DNAH9: variants seen among roughly 807,000 people sequenced by gnomAD.
The protein encoded by DNAH9 is DNAH9 variant protein.
A neutral mutation model predicts 471.6 loss-of-function variants in DNAH9; 345 were observed. That is an observed-to-expected ratio of 0.73 (90% confidence interval 0.67 to 0.80). The LOEUF is 0.80. DNAH9 is among the 30% of genes least tolerant of loss of function. The probability of loss-of-function intolerance (pLI) is 0.00; values close to 1 mark genes in which losing one functional copy is unlikely to be tolerated. For synonymous variants in DNAH9, 2,093 were observed against 2,123.6 expected (o/e 0.99, Z 0.40); for missense variants, 5,407 against 5,609.2 (o/e 0.96, Z 1.15).
rs563500755 is a variant in DNAH9, at chr17:11,680,965, C to T, written c.3743+76C>T. 63 of 1,334,912 alleles carry T rather than the reference C, an allele frequency of 4.7e-5. No individual in the cohort carries two copies. In the South Asian group the frequency reaches 5.8e-4, roughly 12 times the overall value. 82.7% of individuals were successfully genotyped at this position (1,334,912 alleles called of 1,614,324 possible). ...AGTCATGGATAATCTTTTTGTGGGG[C>T]GTGTGTATTCTTCCAGCAGCTGCAG... On this transcript the variant is annotated intron_variant, in intron 19 of 68. Transcript: ENST00000262442.
rs1967395751 is a variant in DNAH9 at position 11,756,553 on chromosome 17, C to T, written c.6739-15C>T. ...CCTCCTTCCTCACTGGCATGCCCTTCCCTGTTGTCTCCAGGTGCTGACATT... is the reference window on the plus strand; with the variant it reads ...CCTCCTTCCTCACTGGCATGCCCTTTCCTGTTGTCTCCAGGTGCTGACATT... On this transcript the variant is annotated splice_polypyrimidine_tract_variant and intron_variant, in intron 33 of 68. Transcript: ENST00000262442. 2 of 1,514,766 alleles carry T rather than the reference C, an allele frequency of 1.3e-6. No homozygotes were observed. Among genetic ancestry groups the T allele is most frequent in the Middle Eastern group, 1.7e-4 (1 of 5,864 alleles). The allele number at this position is 1,514,766 out of a possible 1,614,324, so 93.8% of individuals were successfully genotyped here.
At chr17:11,911,726 T>C (rs555071757) in intron 61 of DNAH9, among the ~76,000 whole-genome samples, 3 of 152,344 alleles carry the variant, frequency 2.0e-5, no homozygotes, top group African/African-American at 7.2e-5. Flanking sequence ...ATGGATTGTC[T>C]TGCCATTTAT....
Position 11,902,874 on chromosome 17 carries a change from G to A in DNAH9, c.11562G>A (p.Leu3854=), listed in dbSNP as rs1346462528. 6.2e-7 allele frequency: 1 copy of A among 1,613,898 alleles called. No individual in the cohort carries two copies. The change falls in exon 60 of 69, where the codon CTG becomes CTA. Residue 3854 remains leucine (L), a synonymous_variant. Coordinates refer to ENST00000262442, the MANE Select transcript of DNAH9 (RefSeq NM_001372.4). The stretch of plus-strand genomic sequence containing the variant: ...CAGCCCTGCAGCGCCTCTGCATGCT[G>A]AGAGCCATGCGGCCCGACCGGATGA... The part of the protein sequence containing the change: ...NKTALQRLCM[L]RAMRPDRMTY...
At chr17:11,823,147 C>A in intron 48 of DNAH9, 113 bp downstream of exon 48, 1 of 863,624 alleles carries the variant, frequency 1.2e-6, no homozygotes, top group Non-Finnish European at 1.7e-6. Context: ...GTACGGTTTT[C>A]CAGAGACTCC....
intron 50 of DNAH9, among the ~76,000 whole-genome samples, chr17:11,866,199 T>C (rs977762767): frequency 6.6e-6 from 1 of 151,630 alleles, no homozygotes; most frequent in Admixed American, 6.6e-5. Flanking sequence ...GTTTTTGGTG[T>C]GGATGTCCTT....
Position 11,699,867 on chromosome 17 carries a change from G to A in DNAH9, c.5009G>A (p.Cys1670Tyr). The change falls in exon 23 of 69, where the codon TGT becomes TAT. Residue 1670 changes from cysteine (C) to tyrosine (Y), a missense_variant. Cys to Tyr is a radical substitution (Grantham distance 194, BLOSUM62 -2). Coordinates refer to ENST00000262442, the MANE Select transcript of DNAH9 (RefSeq NM_001372.4). ...EEEYVAFSEP[C>Y]DCSGQVEIWL... ...GAGTATGTGGCTTTCAGTGAGCCCT[G>A]TGACTGCAGCGGGCAGGTAACACAG... 1 of 1,614,186 alleles carries A rather than the reference G, an allele frequency of 6.2e-7. No individual in the cohort carries two copies. The highest frequency in any genetic ancestry group is 8.5e-7 in the Non-Finnish European group (1 of 1,180,016).
intron 48 of DNAH9, among the ~76,000 whole-genome samples, chr17:11,824,953 A>T (rs1970439395): frequency 1.4e-5 from 2 of 144,320 alleles, no homozygotes; most frequent in South Asian, 2.2e-4. Context: ...ATGCTATTCC[A>T]TTCTTTGCTC....
At chr17:11,706,508 C>G (rs1018688227) in intron 26 of DNAH9, among the ~76,000 whole-genome samples, 1 of 151,992 alleles carries the variant, frequency 6.6e-6, no homozygotes, top group Non-Finnish European at 1.5e-5. Context: ...AAATAAGGTA[C>G]GAGGCCATAT....
chr17:11,783,520 G>A (rs527940084), intron 39 of DNAH9, 126 bp from the exon 40 acceptor site: 30 of 599,214 alleles, frequency 5.0e-5, no homozygotes, highest in African/African-American at 4.2e-4. Flanking sequence ...AATCCCTGCC[G>A]GTGGATCTAG....
At chr17:11,815,873 C>T (rs1597687177) in intron 45 of DNAH9, among the ~76,000 whole-genome samples, 1 of 152,330 alleles carries the variant, frequency 6.6e-6, no homozygotes, top group East Asian at 1.9e-4. Flanking sequence ...GAACTCCAAG[C>T]TTCTTTGTCC....
intron 49 of DNAH9, among the ~76,000 whole-genome samples, chr17:11,847,659 A>G (rs1971274274): frequency 6.6e-6 from 1 of 152,182 alleles, no homozygotes; most frequent in African/African-American, 2.4e-5. Flanking sequence ...TCTTCTCTAT[A>G]TATGAAAAGC....
chr17:11,898,593 CA>C (rs1427732757), intron 59 of DNAH9, among the ~76,000 whole-genome samples: 1 of 152,156 alleles, frequency 6.6e-6, no homozygotes, highest in East Asian at 1.9e-4. Context: ...CACCCCATAA[CA>C]ATTATGATGA....
intron 44 of DNAH9, 110 bp downstream of exon 44, chr17:11,808,004 A>G (rs1047973303): frequency 8.2e-7 from 1 of 1,225,614 alleles, no homozygotes; most frequent in Non-Finnish European, 1.1e-6. Context: ...CTCCCCTTCA[A>G]TGTCTGTCCA....
intron 36 of DNAH9, among the ~76,000 whole-genome samples, chr17:11,766,312 A>AT (rs1320623974): frequency 1.3e-5 from 2 of 152,050 alleles, no homozygotes; most frequent in East Asian, 3.9e-4. Flanking sequence ...ATTTAAAAAA[A>AT]AAAAAAAGTC....
At chr17:11,858,318 G>A (rs944269420) in intron 50 of DNAH9, among the ~76,000 whole-genome samples, 2 of 152,168 alleles carry the variant, frequency 1.3e-5, no homozygotes, top group Non-Finnish European at 2.9e-5. Flanking sequence ...TCACATCAGA[G>A]CCTGCTACCT....
At chr17:11,665,076 G>T in intron 15 of DNAH9, 108 bp downstream of exon 15, 1 of 945,956 alleles carries the variant, frequency 1.1e-6, no homozygotes. Context: ...TTCCCAAAAC[G>T]TTGTAGACCT....
intron 50 of DNAH9, among the ~76,000 whole-genome samples, chr17:11,865,539 T>C (rs1483302140): frequency 2.6e-5 from 4 of 152,122 alleles, no homozygotes; most frequent in Non-Finnish European, 5.9e-5. Context: ...TGGCGTTCTC[T>C]GTATTTCCTG....
chr17:11,903,167 C>T (rs1425569522), intron 60 of DNAH9, among the ~76,000 whole-genome samples: 1 of 151,970 alleles, frequency 6.6e-6, no homozygotes, highest in Non-Finnish European at 1.5e-5. Context: ...GGTGAAACCC[C>T]GTCTCTACTG....
At chr17:11,780,163 T>C (rs1399530266) in intron 38 of DNAH9, among the ~76,000 whole-genome samples, 1 of 152,206 alleles carries the variant, frequency 6.6e-6, no homozygotes, top group African/African-American at 2.4e-5. Flanking sequence ...GGCTTGATAA[T>C]TGAAGAAACC....
Sources: allele counts gnomAD v4.1 joint callset (sites outside exome capture counted in the v4.1 genomes callset), GRCh38; gene constraint gnomAD v4.1.1; transcripts MANE v1.5; gene names NCBI Gene and HGNC (gene_info 2026-07-23, HGNC 2026-07-21).